Variants in LBHD1 observed in about 807,000 individuals in gnomAD.
LBHD1 encodes LBH domain-containing protein 1.
A neutral mutation model predicts 31.1 loss-of-function variants in LBHD1; 28 were observed. The observed-to-expected ratio is 0.90, with a 90% CI of 0.67 to 1.24. The LOEUF (loss-of-function observed/expected upper bound fraction) is 1.24, where lower values mean the gene tolerates loss of function less well. Ranked by LOEUF, LBHD1 falls within the 50% of genes most tolerant of loss-of-function variation. The pLI, the probability that LBHD1 is intolerant of heterozygous loss-of-function variation, is 0.00. For synonymous variants in LBHD1, 105 were observed against 116.5 expected (o/e 0.90, Z 0.63); for missense variants, 350 against 323.0 (o/e 1.08, Z -0.64).
chr11:62,666,442 G>A, intron 4 of LBHD1: 1 of 1,612,938 alleles, frequency 6.2e-7, no homozygotes. Flanking sequence ...TCTGGGATCG[G>A]CTGCATGCCC....
rs1750370986 is a variant in LBHD1, at chr11:62,671,850, G to A, written c.-297C>T. 1 of 1,614,142 alleles carries A rather than the reference G, an allele frequency of 6.2e-7. No homozygotes were observed. The highest frequency in any genetic ancestry group is 8.5e-7 in the Non-Finnish European group (1 of 1,180,026). The stretch of plus-strand genomic sequence containing the variant: ...TCGTGACCCCGGGAGAGCGGCGGAA[G>A]CAGGAAATGCTAAAGGTAGAAGCAA... On this transcript the variant is annotated 5_prime_UTR_variant, in exon 1 of 7. Coordinates refer to ENST00000354588, the MANE Select transcript of LBHD1 (RefSeq NM_024099.5).
At chr11:62,665,340 TG>T in intron 4 of LBHD1, 1 of 767,552 alleles carries the variant, frequency 1.3e-6, no homozygotes, top group South Asian at 1.6e-5. Context: ...CTAGTAAGTG[TG>T]GTTTTAGCTG....
At chr11:62,665,327 G>A in intron 4 of LBHD1, 2 of 738,324 alleles carry the variant, frequency 2.7e-6, no homozygotes, top group South Asian at 3.3e-5. Flanking sequence ...GGAGGGTGGT[G>A]AGCTAGTAAG....
chr11:62,670,097 A>G (rs915075652), intron 1 of LBHD1, 56 bp from the exon 2 acceptor site: 11 of 1,510,234 alleles, frequency 7.3e-6, no homozygotes, highest in African/African-American at 2.8e-5. Context: ...AGTGCACCCC[A>G]CAAACTGTTC....
At position 62,664,851 on chromosome 11, in the gene LBHD1, C is replaced by T. The variant is rs914647373; in HGVS notation, c.661G>A (p.Gly221Ser). ...CAGGAAGAGGGTCTAGTACTTACGC[C>T]CGCTTCTTGAGGTGGTGCCGCGTGA... ...ADHAAPPQEA[G>S]VQCTCQHYTV... The change falls in exon 5 of 7, where the codon GGC becomes AGC. Residue 221 changes from glycine to serine, a missense_variant and splice_region_variant. Gly to Ser is a moderately conservative substitution (Grantham distance 56). Coordinates refer to ENST00000354588, the MANE Select transcript of LBHD1 (RefSeq NM_024099.5). The T allele has an allele frequency of 6.4e-7, 1 of 1,566,550 alleles. No homozygotes were observed. Among genetic ancestry groups the T allele is most frequent in the Non-Finnish European group, 8.7e-7 (1 of 1,155,226 alleles).
At position 62,663,219 on chromosome 11, in the gene LBHD1, C is replaced by T. The variant is rs1483494871; in HGVS notation, c.761+17G>A. 4 of 1,613,916 alleles carry T rather than the reference C, an allele frequency of 2.5e-6. No individual in the cohort carries two copies. The highest frequency in any genetic ancestry group is 3.4e-6 in the Non-Finnish European group (4 of 1,179,930). ...TAAATCCAGGATTCCCCTCACCCACCTCTGTCCCAGCCTCACCTTCCATGG... is the reference window on the plus strand; with the variant it reads ...TAAATCCAGGATTCCCCTCACCCACTTCTGTCCCAGCCTCACCTTCCATGG... On this transcript the variant is annotated intron_variant, in intron 6 of 6. Coordinates refer to ENST00000354588, the MANE Select transcript of LBHD1 (RefSeq NM_024099.5).
In LBHD1 at chr11:62,663,227, C is replaced by T; in HGVS notation, c.761+9G>A. 6.2e-7 allele frequency: 1 copy of T among 1,613,976 alleles called. No homozygotes were observed. Among genetic ancestry groups the T allele is most frequent in the Non-Finnish European group, 8.5e-7 (1 of 1,180,012 alleles). ...GGATTCCCCTCACCCACCTCTGTCC[C>T]AGCCTCACCTTCCATGGCTGTCTTC... On this transcript the variant is annotated intron_variant, in intron 6 of 6. Transcript: ENST00000354588.
In LBHD1 at chr11:62,669,807, A is replaced by C; in HGVS notation, c.151-4T>G. On this transcript the variant is annotated splice_polypyrimidine_tract_variant and splice_region_variant and intron_variant, in intron 2 of 6. Coordinates refer to ENST00000354588, the MANE Select transcript of LBHD1 (RefSeq NM_024099.5). ...GATGGGACTTTTGAGAGAAATCCTG[A>C]ATAGGGACAGCAGGGAGGTTGGGCC... 1 of 1,614,226 alleles carries C rather than the reference A, an allele frequency of 6.2e-7. No individual in the cohort carries two copies. Among genetic ancestry groups the C allele is most frequent in the Non-Finnish European group, 8.5e-7 (1 of 1,180,046 alleles).
In LBHD1 at chr11:62,669,701, G is replaced by A. The variant is rs746394426; in HGVS notation, c.253C>T (p.Leu85Phe). 16 of 1,614,216 alleles carry A rather than the reference G, an allele frequency of 9.9e-6. No individual in the cohort carries two copies. The East Asian group carries it at 3.6e-4, about 36-fold the overall frequency. ...GCATCCTCTTCCTCACCATCAGTGA[G>A]CAGCAGCAGCTCCTCATGGGGCAAA... ...LHLPHEELLLLTDGEEEDAEA... is the reference protein window; with the variant it reads ...LHLPHEELLLFTDGEEEDAEA... Residue 85 changes from leucine (L) to phenylalanine (F), a missense_variant, in exon 3 of 7, where the codon CTC becomes TTC. By Grantham distance (22) the Leu-to-Phe change is conservative (BLOSUM62 0). Coordinates refer to ENST00000354588, the MANE Select transcript of LBHD1 (RefSeq NM_024099.5).
intron 1 of LBHD1, chr11:62,671,353 G>A (rs1252812865): frequency 1.6e-6 from 2 of 1,233,744 alleles, no homozygotes; most frequent in South Asian, 1.3e-5. Flanking sequence ...AAACGCGCGG[G>A]TGACTGCAGG....
intron 4 of LBHD1, chr11:62,666,771 T>C: frequency 1.9e-6 from 3 of 1,614,160 alleles, no homozygotes; most frequent in Non-Finnish European, 2.5e-6. Context: ...GCTCAGAACC[T>C]GGGGGCTGTG....
chr11:62,665,855 T>A, intron 4 of LBHD1: 1 of 1,610,386 alleles, frequency 6.2e-7, no homozygotes, highest in Non-Finnish European at 8.5e-7. Context: ...TAAGCTTCTC[T>A]GGTCGAACTT....
At chr11:62,666,517 C>T in intron 4 of LBHD1, 1 of 1,614,150 alleles carries the variant, frequency 6.2e-7, no homozygotes, top group Non-Finnish European at 8.5e-7. Context: ...TCCAGGGGCT[C>T]CTACTGCCAT....
At position 62,669,630 on chromosome 11, in the gene LBHD1, A is replaced by T; in HGVS notation, c.313+11T>A. ...CTCACAGTGGCCCCCTGAATGAGCC[A>T]CCTCCCTCACCTGGCTCTTCACTTT... is the stretch of plus-strand genomic sequence containing the variant. On this transcript the variant is annotated intron_variant, in intron 3 of 6. Transcript: ENST00000354588. 1 of 1,607,974 alleles carries T rather than the reference A, an allele frequency of 6.2e-7. No homozygotes were observed. Among genetic ancestry groups the T allele is most frequent in the African/African-American group, 1.3e-5 (1 of 74,866 alleles).
chr11:62,671,541 C>T lies in LBHD1; in HGVS notation c.-11+23G>A, dbSNP rs1057137746. On this transcript the variant is annotated intron_variant, in intron 1 of 6. Transcript: ENST00000354588. ...GCCCTTGGTGCCAGCACTTCTTGGACACCTCAACCCCCTCAGCTAAACCTG... is the reference window on the plus strand; with the variant it reads ...GCCCTTGGTGCCAGCACTTCTTGGATACCTCAACCCCCTCAGCTAAACCTG... 36 of 1,417,444 alleles carry T rather than the reference C, an allele frequency of 2.5e-5. No individual in the cohort carries two copies. The African/African-American group carries it at 5.0e-4, about 20-fold the overall frequency. The allele number at this position is 1,417,444 out of a possible 1,614,324, so 87.8% of individuals were successfully genotyped here. A position where few individuals can be genotyped will look rare whatever the true frequency, so the allele number is the denominator to read the frequency against.
intron 5 of LBHD1, among the ~76,000 whole-genome samples, chr11:62,664,323 ATTCTTT>A (rs890729316): frequency 2.4e-5 from 3 of 124,060 alleles, no homozygotes; most frequent in African/African-American, 9.3e-5. Flanking sequence ...ATTTCCTGAT[ATTCTTT>A]TTTTTTTTTT....
intron 3 of LBHD1, 41 bp from the exon 4 acceptor site, chr11:62,667,788 T>C (rs370742944): frequency 1.0e-4 from 137 of 1,363,312 alleles, no homozygotes; most frequent in Non-Finnish European, 1.3e-4. Context: ...ATTACTGATA[T>C]ATTATCAAAT....
intron 5 of LBHD1, among the ~76,000 whole-genome samples, chr11:62,664,326 C>CTT (rs35917869): frequency 2.1e-3 from 162 of 77,418 alleles, no homozygotes; most frequent in Non-Finnish European, 2.7e-3. Context: ...TCCTGATATT[C>CTT]TTTTTTTTTT....
intron 4 of LBHD1, chr11:62,665,176 G>A (rs537564268): frequency 2.0e-5 from 17 of 854,896 alleles, no homozygotes; most frequent in Non-Finnish European, 3.2e-5. Flanking sequence ...CCATAGTCGC[G>A]ATTCCACTCC....
Sources: gnomAD v4.1 joint callset for allele counts (sites outside exome capture counted in the v4.1 genomes callset) on GRCh38, gnomAD v4.1.1 for gene constraint, MANE v1.5 for transcripts, NCBI Gene and HGNC (gene_info 2026-07-23, HGNC 2026-07-21) for gene names.